The following NEGR1 variants were observed in gnomAD, a reference collection of about 807,000 sequenced individuals.
The protein encoded by NEGR1 is neuronal growth regulator 1.
A neutral mutation model predicts 40.9 loss-of-function variants in NEGR1; 10 were observed. The observed-to-expected ratio is 0.24, with a 90% CI of 0.15 to 0.42. The LOEUF (loss-of-function observed/expected upper bound fraction) is 0.42, where lower values mean the gene tolerates loss of function less well. Among genes scored for constraint, NEGR1 ranks in the 10% least tolerant of loss-of-function variants. NEGR1 has a pLI of 1.00. For missense variants in NEGR1, 352 were observed against 438.9 expected (o/e 0.80, Z 1.77); for synonymous variants, 185 against 166.8 (o/e 1.11, Z -0.84).
intron 6 of NEGR1, among the ~76,000 whole-genome samples, chr1:71,559,874 C>A (rs963336750): frequency 6.6e-6 from 1 of 151,164 alleles, no homozygotes; most frequent in Non-Finnish European, 1.5e-5. Flanking sequence ...AAATGCTATG[C>A]GTATTTCTTG....
chr1:71,838,434 A>G (rs1284504130), intron 2 of NEGR1, among the ~76,000 whole-genome samples: 1 of 152,136 alleles, frequency 6.6e-6, no homozygotes, highest in Non-Finnish European at 1.5e-5. Flanking sequence ...TATTTTAAAA[A>G]TGATTAGGGA....
intron 5 of NEGR1, among the ~76,000 whole-genome samples, chr1:71,607,754 A>G (rs1288245516): frequency 6.6e-6 from 1 of 151,932 alleles, no homozygotes; most frequent in East Asian, 2.0e-4. Context: ...AGTGCAGTGG[A>G]GCAATCTCGG....
At chr1:71,744,705 C>T (rs1655327896) in intron 3 of NEGR1, among the ~76,000 whole-genome samples, 1 of 152,064 alleles carries the variant, frequency 6.6e-6, no homozygotes, top group East Asian at 1.9e-4. Context: ...GGCTTAGCTT[C>T]CTAGTTTGAG....
At chr1:71,607,515 T>G (rs1359000891) in intron 5 of NEGR1, among the ~76,000 whole-genome samples, 2 of 152,152 alleles carry the variant, frequency 1.3e-5, no homozygotes, top group East Asian at 3.9e-4. Flanking sequence ...TGTATGAACT[T>G]GTGCAAATTA....
At chr1:71,491,663 A>T (rs1235396316) in intron 6 of NEGR1, among the ~76,000 whole-genome samples, 1 of 151,418 alleles carries the variant, frequency 6.6e-6, no homozygotes, top group Non-Finnish European at 1.5e-5. Flanking sequence ...ATCCAACCTT[A>T]CCGTGGCCAG....
At chr1:71,749,394 T>C (rs1396070185) in intron 3 of NEGR1, among the ~76,000 whole-genome samples, 2 of 152,212 alleles carry the variant, frequency 1.3e-5, no homozygotes, top group African/African-American at 4.8e-5. Context: ...TTTTCGTGAG[T>C]AAAATGAACA....
At chr1:71,967,659 C>G (rs953012937) in intron 1 of NEGR1, among the ~76,000 whole-genome samples, 1 of 152,066 alleles carries the variant, frequency 6.6e-6, no homozygotes, top group African/African-American at 2.4e-5. Context: ...CCAAGAAACA[C>G]GTACACACAA....
chr1:71,786,543 G>T (rs968413860), intron 2 of NEGR1, among the ~76,000 whole-genome samples: 4 of 152,134 alleles, frequency 2.6e-5, no homozygotes, highest in African/African-American at 9.7e-5. Context: ...GTTAGTATTT[G>T]TTGAACATTT....
At chr1:71,800,092 C>G (rs1467521977) in intron 2 of NEGR1, among the ~76,000 whole-genome samples, 1 of 152,082 alleles carries the variant, frequency 6.6e-6, no homozygotes, top group Non-Finnish European at 1.5e-5. Context: ...ATTTCTCTAA[C>G]GACCAGTGAT....
At chr1:71,690,619 C>CAGAGAGAGAGAGAG (rs59019409) in intron 4 of NEGR1, among the ~76,000 whole-genome samples, 836 of 67,562 alleles carry the variant, frequency 0.012, 53 homozygotes, top group Middle Eastern at 0.026. Context: ...TAGAGGGAGA[C>CAGAGAGAGAGAGAG]AGAGAGAGAG....
intron 3 of NEGR1, among the ~76,000 whole-genome samples, chr1:71,741,842 C>T (rs1034388854): frequency 6.6e-5 from 10 of 152,158 alleles, no homozygotes; most frequent in Middle Eastern, 3.4e-3. Context: ...ATGGCTAGAG[C>T]GGGAGCAAGA....
intron 3 of NEGR1, among the ~76,000 whole-genome samples, chr1:71,708,455 C>A (rs1053140649): frequency 1.3e-5 from 2 of 151,634 alleles, no homozygotes; most frequent in Admixed American, 6.6e-5. Context: ...CAATGCAATC[C>A]CTATCAAAAT....
chr1:72,214,619 C>A (rs1379111030), intron 1 of NEGR1, among the ~76,000 whole-genome samples: 5 of 151,844 alleles, frequency 3.3e-5, no homozygotes, highest in Non-Finnish European at 5.9e-5. Flanking sequence ...ACAATTGCTA[C>A]AAAGAGAATA....
intron 1 of NEGR1, among the ~76,000 whole-genome samples, chr1:72,090,668 T>C (rs1230528824): frequency 1.3e-5 from 2 of 152,136 alleles, no homozygotes; most frequent in Non-Finnish European, 2.9e-5. Flanking sequence ...ACACATTTGC[T>C]AAGCTTCCCT....
intron 1 of NEGR1, among the ~76,000 whole-genome samples, chr1:72,183,381 A>G (rs1395087096): frequency 2.0e-5 from 3 of 152,082 alleles, no homozygotes. Context: ...CCAGGCAAAG[A>G]CTGCCTAAGA....
At chr1:72,153,646 T>C (rs1054779354) in intron 1 of NEGR1, among the ~76,000 whole-genome samples, 1 of 151,826 alleles carries the variant, frequency 6.6e-6, no homozygotes, top group African/African-American at 2.4e-5. Flanking sequence ...TATTAGTGTA[T>C]AAATAGTGAT....
At chr1:71,662,039 CA>C (rs1334991765) in intron 4 of NEGR1, among the ~76,000 whole-genome samples, 2 of 152,172 alleles carry the variant, frequency 1.3e-5, no homozygotes, top group Non-Finnish European at 2.9e-5. Flanking sequence ...ATGTCTGGCA[CA>C]TAATAAATGG....
At chr1:71,630,564 G>T (rs879773020) in intron 4 of NEGR1, among the ~76,000 whole-genome samples, 1 of 151,770 alleles carries the variant, frequency 6.6e-6, no homozygotes, top group Non-Finnish European at 1.5e-5. Flanking sequence ...GGTCCATTAT[G>T]GTTTTATGTT....
At chr1:72,136,572 C>G (rs1650471608) in intron 1 of NEGR1, among the ~76,000 whole-genome samples, 1 of 147,956 alleles carries the variant, frequency 6.8e-6, no homozygotes, top group South Asian at 2.1e-4. Flanking sequence ...CTTTATAAAG[C>G]TATTACTCCA....
Sources: gnomAD v4.1 joint callset for allele counts (sites outside exome capture counted in the v4.1 genomes callset) on GRCh38, gnomAD v4.1.1 for gene constraint, MANE v1.5 for transcripts, NCBI Gene and HGNC (gene_info 2026-07-23, HGNC 2026-07-21) for gene names.